Variants in ZFAND3 observed in about 807,000 individuals in gnomAD.
ZFAND3 encodes the protein AN1-type zinc finger protein 3.
In ZFAND3, 10 loss-of-function variants were observed where a neutral mutation model predicts 29.6. The observed-to-expected ratio is 0.34, with a 90% CI of 0.21 to 0.57. The LOEUF (loss-of-function observed/expected upper bound fraction) is 0.57. Ranked by LOEUF, ZFAND3 falls within the 20% of genes least tolerant of loss-of-function variation. The pLI is 0.86. For missense variants in ZFAND3, 230 were observed against 304.5 expected (o/e 0.76, Z 1.82); for synonymous variants, 128 against 112.6 (o/e 1.14, Z -0.87).
intron 1 of ZFAND3, among the ~76,000 whole-genome samples, chr6:37,880,247 AG>A (rs1764867025): frequency 6.6e-6 from 1 of 152,258 alleles, no homozygotes; most frequent in Non-Finnish European, 1.5e-5. Context: ...ACTTTACAGT[AG>A]CTGCATGGTG....
chr6:38,081,336 T>A (rs1764658340), intron 3 of ZFAND3, among the ~76,000 whole-genome samples: 1 of 152,118 alleles, frequency 6.6e-6, no homozygotes. Context: ...GGCCTTGTTA[T>A]AGTAAAGAGT....
At chr6:37,929,932 T>C in intron 1 of ZFAND3, 27 bp from the exon 2 acceptor site, 2 of 1,581,250 alleles carry the variant, frequency 1.3e-6, no homozygotes, top group Middle Eastern at 1.7e-4. Context: ...AGCTCTTCTT[T>C]CTTTCTTTTC....
intron 2 of ZFAND3, among the ~76,000 whole-genome samples, chr6:37,932,349 A>T (rs536433938): frequency 6.6e-6 from 1 of 152,356 alleles, no homozygotes; most frequent in African/African-American, 2.4e-5. Flanking sequence ...ATGCTTCTTC[A>T]CTGATGAAAG....
intron 2 of ZFAND3, among the ~76,000 whole-genome samples, chr6:38,023,572 T>C (rs1361293190): frequency 1.3e-5 from 2 of 152,222 alleles, no homozygotes; most frequent in Non-Finnish European, 2.9e-5. Flanking sequence ...GAATCTAGAA[T>C]GTCCTGCCTC....
chr6:37,905,754 C>G (rs1184129189), intron 1 of ZFAND3, among the ~76,000 whole-genome samples: 1 of 151,990 alleles, frequency 6.6e-6, no homozygotes, highest in Non-Finnish European at 1.5e-5. Flanking sequence ...TAAGTTGCCT[C>G]ATTTCTCTTA....
intron 2 of ZFAND3, among the ~76,000 whole-genome samples, chr6:37,964,371 A>G (rs535544208): frequency 6.6e-6 from 1 of 152,306 alleles, no homozygotes; most frequent in East Asian, 1.9e-4. Context: ...GAAAATGTGA[A>G]CTTCTGAGAG....
At chr6:38,124,323 G>A (rs1184116635) in intron 5 of ZFAND3, among the ~76,000 whole-genome samples, 5 of 152,222 alleles carry the variant, frequency 3.3e-5, no homozygotes, top group Admixed American at 6.5e-5. Context: ...CGCGCCATGC[G>A]CCCGCAATCC....
chr6:38,015,235 A>G (rs1763233430), intron 2 of ZFAND3, among the ~76,000 whole-genome samples: 1 of 152,244 alleles, frequency 6.6e-6, no homozygotes, highest in African/African-American at 2.4e-5. Context: ...AAAATATACT[A>G]AATCTCATTA....
intron 2 of ZFAND3, among the ~76,000 whole-genome samples, chr6:37,972,359 C>G (rs147608443): frequency 1.3e-5 from 2 of 152,324 alleles, no homozygotes; most frequent in African/African-American, 4.8e-5. Flanking sequence ...TTTATACTTG[C>G]CTCTGTGAGG....
At chr6:37,857,099 T>A (rs967079369) in intron 1 of ZFAND3, among the ~76,000 whole-genome samples, 1 of 152,136 alleles carries the variant, frequency 6.6e-6, no homozygotes, top group Non-Finnish European at 1.5e-5. Flanking sequence ...AACGCCACCA[T>A]GTCTGGCCTT....
chr6:37,964,191 T>C lies in ZFAND3; in HGVS notation c.112+34192T>C, dbSNP rs567678434. Among the ~76,000 whole-genome samples the C allele has an allele frequency of 3.9e-5, 6 of 152,314 alleles. No homozygotes were observed. The South Asian group carries it at 1.2e-3, about 32-fold the overall frequency. ...TGCTGTCTTTTCAAAGATCAGGTAATAAAGTAAAAGAGATATGAACTTTGA... is the reference window on the plus strand; with the variant it reads ...TGCTGTCTTTTCAAAGATCAGGTAACAAAGTAAAAGAGATATGAACTTTGA... On this transcript the variant is annotated intron_variant, in intron 2 of 5. Transcript: ENST00000287218.
At chr6:37,829,621 A>AT (rs565742716) in intron 1 of ZFAND3, among the ~76,000 whole-genome samples, 38 of 152,198 alleles carry the variant, frequency 2.5e-4, no homozygotes, top group South Asian at 4.1e-4. Flanking sequence ...GAAACTTTTA[A>AT]TTTTTTTTAT....
intron 1 of ZFAND3, among the ~76,000 whole-genome samples, chr6:37,905,708 TA>T (rs1286027803): frequency 1.3e-5 from 2 of 152,144 alleles, no homozygotes; most frequent in Admixed American, 6.5e-5. Context: ...GAGTTAATCT[TA>T]AAAATGTTAG....
At chr6:37,851,480 T>C (rs997030350) in intron 1 of ZFAND3, among the ~76,000 whole-genome samples, 3 of 145,320 alleles carry the variant, frequency 2.1e-5, no homozygotes, top group African/African-American at 7.9e-5. Context: ...AATTCCTTAG[T>C]CTGCCTCCAA....
At chr6:38,011,129 A>G (rs1272014569) in intron 2 of ZFAND3, among the ~76,000 whole-genome samples, 14 of 152,058 alleles carry the variant, frequency 9.2e-5, no homozygotes, top group Admixed American at 7.2e-4. Context: ...TTTGGGACTC[A>G]TTCATGTTGT....
At chr6:37,854,435 A>T (rs761560406) in intron 1 of ZFAND3, among the ~76,000 whole-genome samples, 3 of 152,216 alleles carry the variant, frequency 2.0e-5, no homozygotes, top group African/African-American at 7.2e-5. Flanking sequence ...TTATAGCTCA[A>T]GTCCCTTTAC....
At chr6:37,844,763 C>T (rs558932407) in intron 1 of ZFAND3, among the ~76,000 whole-genome samples, 2 of 151,506 alleles carry the variant, frequency 1.3e-5, no homozygotes, top group South Asian at 4.2e-4. Context: ...TCCTGTAATC[C>T]CAGCACTTTG....
intron 5 of ZFAND3, among the ~76,000 whole-genome samples, chr6:38,121,748 C>A (rs1414362658): frequency 6.6e-6 from 1 of 152,200 alleles, no homozygotes; most frequent in African/African-American, 2.4e-5. Flanking sequence ...GCACAGATGT[C>A]CATCAGCCCT....
chr6:38,030,600 A>G (rs2127451474), intron 2 of ZFAND3, among the ~76,000 whole-genome samples: 1 of 152,312 alleles, frequency 6.6e-6, no homozygotes, highest in South Asian at 2.1e-4. Flanking sequence ...AACAGAAACA[A>G]TGAACTCCAG....
Sources: allele counts gnomAD v4.1 joint callset (sites outside exome capture counted in the v4.1 genomes callset), GRCh38; gene constraint gnomAD v4.1.1; transcripts MANE v1.5; gene names NCBI Gene and HGNC (gene_info 2026-07-23, HGNC 2026-07-21).